The following TASP1 variants were observed in gnomAD, a reference collection of about 807,000 sequenced individuals.
TASP1 encodes taspase 1.
In TASP1, 16 loss-of-function variants were observed where a neutral mutation model predicts 56.6. The observed-to-expected ratio is 0.28, with a 90% CI of 0.19 to 0.43. The LOEUF (loss-of-function observed/expected upper bound fraction) is 0.43, where lower values mean the gene tolerates loss of function less well. Ranked by LOEUF, TASP1 falls within the 20% of genes least tolerant of loss-of-function variation. TASP1 has a pLI of 1.00. For missense variants in TASP1, 393 were observed against 511.6 expected, an observed-to-expected ratio of 0.77 and a Z score of 2.24; for synonymous variants, 179 against 184.2, an observed-to-expected ratio of 0.97 and a Z score of 0.23.
the TASP1 span, among the ~76,000 whole-genome samples, chr20:13,178,851 A>G: frequency 6.6e-6 from 1 of 152,128 alleles, no homozygotes; most frequent in Non-Finnish European, 1.5e-5. Flanking sequence ...AATAGGTTCT[A>G]GTGTTCTATA....
chr20:13,171,774 C>T, the TASP1 span, among the ~76,000 whole-genome samples: 2 of 151,858 alleles, frequency 1.3e-5, no homozygotes, highest in Admixed American at 1.3e-4. Flanking sequence ...ACCAGCAATA[C>T]CAAAGTGGGT....
chr20:13,282,875 G>A, the TASP1 span, among the ~76,000 whole-genome samples: 18 of 152,160 alleles, frequency 1.2e-4, no homozygotes, highest in Admixed American at 2.6e-4. Flanking sequence ...CACACTTTGA[G>A]TAGCAAAACT....
chr20:13,199,519 C>T, the TASP1 span, among the ~76,000 whole-genome samples: 1 of 152,116 alleles, frequency 6.6e-6, no homozygotes, highest in South Asian at 2.1e-4. Context: ...CATACATAAA[C>T]CTGTTTATCT....
At chr20:13,299,095 A>G in the TASP1 span, 1 of 1,613,778 alleles carries the variant, frequency 6.2e-7, no homozygotes, top group Non-Finnish European at 8.5e-7. This position sits in a 1 kb window ranked among gnomAD's most constrained non-coding sequence, Gnocchi z 5.8. Context: ...ATCAAGCGCA[A>G]GGACTTCCGC....
At chr20:13,330,248 C>T in the TASP1 span, among the ~76,000 whole-genome samples, 210 of 152,260 alleles carry the variant, frequency 1.4e-3, no homozygotes, top group African/African-American at 4.9e-3. Context: ...AGCCACCACG[C>T]CTGGCTGTGT....
the TASP1 span, among the ~76,000 whole-genome samples, chr20:13,357,953 G>A: frequency 6.6e-6 from 1 of 152,026 alleles, no homozygotes; most frequent in African/African-American, 2.4e-5. Context: ...ATGGCCTGAA[G>A]TAACTGAAGA....
intron 10 of TASP1, among the ~76,000 whole-genome samples, chr20:13,494,805 G>C (rs1276190476): frequency 1.3e-5 from 2 of 152,152 alleles, no homozygotes; most frequent in Non-Finnish European, 2.9e-5. Flanking sequence ...GAGCACAACA[G>C]GTTCTGATAC....
At chr20:13,340,813 T>A in the TASP1 span, among the ~76,000 whole-genome samples, 1 of 152,334 alleles carries the variant, frequency 6.6e-6, no homozygotes, top group Non-Finnish European at 1.5e-5. Flanking sequence ...ACTTCAGTAA[T>A]GATTTTACTC....
At chr20:13,434,144 A>AT (rs200732398) in intron 12 of TASP1, among the ~76,000 whole-genome samples, 5 of 149,406 alleles carry the variant, frequency 3.3e-5, no homozygotes, top group Admixed American at 6.7e-5. Flanking sequence ...GCAAAGTTCT[A>AT]TTTTTTTTTT....
At chr20:13,543,037 G>C (rs1463859478) in intron 8 of TASP1, among the ~76,000 whole-genome samples, 3 of 152,164 alleles carry the variant, frequency 2.0e-5, no homozygotes, top group Non-Finnish European at 4.4e-5. Context: ...TTGGTTCTGT[G>C]AGAAAATACT....
the TASP1 span, among the ~76,000 whole-genome samples, chr20:13,220,506 C>T: frequency 6.6e-6 from 1 of 152,156 alleles, no homozygotes; most frequent in Non-Finnish European, 1.5e-5. Context: ...CCGGGATGAG[C>T]CCCCCACAGA....
intron 11 of TASP1, among the ~76,000 whole-genome samples, chr20:13,450,766 T>C (rs1600835346): frequency 6.6e-6 from 1 of 152,126 alleles, no homozygotes; most frequent in African/African-American, 2.4e-5. Flanking sequence ...CAAACTCTTG[T>C]GAATGTTATT....
At chr20:13,450,035 G>A (rs2043557719) in intron 11 of TASP1, among the ~76,000 whole-genome samples, 1 of 151,962 alleles carries the variant, frequency 6.6e-6, no homozygotes, top group African/African-American at 2.4e-5. Flanking sequence ...ACAATAAATG[G>A]CAAATCACAA....
chr20:13,536,383 T>G (rs767886769), intron 8 of TASP1, among the ~76,000 whole-genome samples: 1 of 152,332 alleles, frequency 6.6e-6, no homozygotes, highest in Non-Finnish European at 1.5e-5. Context: ...GTATAAAAGA[T>G]TTAAGTTCTA....
At chr20:13,629,143 A>G (rs2048997557) in intron 2 of TASP1, among the ~76,000 whole-genome samples, 1 of 152,142 alleles carries the variant, frequency 6.6e-6, no homozygotes, top group African/African-American at 2.4e-5. Flanking sequence ...AGGCAGGTGG[A>G]TCACCCGAGG....
chr20:13,420,956 C>T (rs1003660284), intron 12 of TASP1, among the ~76,000 whole-genome samples: 9 of 152,136 alleles, frequency 5.9e-5, no homozygotes, highest in African/African-American at 9.6e-5. Context: ...CCAAAAGACA[C>T]GAAACATCAA....
chr20:13,219,715 G>T, the TASP1 span, among the ~76,000 whole-genome samples: 1 of 152,150 alleles, frequency 6.6e-6, no homozygotes, highest in African/African-American at 2.4e-5. Flanking sequence ...TCTTTAAGGA[G>T]GCAGCAAGCC....
intron 8 of TASP1, among the ~76,000 whole-genome samples, chr20:13,545,571 T>C (rs547916679): frequency 6.6e-6 from 1 of 152,230 alleles, no homozygotes; most frequent in Admixed American, 6.5e-5. Flanking sequence ...TCAACTGACA[T>C]TCCCCCACCA....
At chr20:13,395,400 C>G (rs1429153202) in intron 13 of TASP1, among the ~76,000 whole-genome samples, 1 of 152,182 alleles carries the variant, frequency 6.6e-6, no homozygotes, top group Non-Finnish European at 1.5e-5. Context: ...CACCACTTTC[C>G]CTTCTCCTGT....
Sources: gnomAD v4.1 joint callset for allele counts (sites outside exome capture counted in the v4.1 genomes callset) on GRCh38, gnomAD v4.1.1 for gene constraint, Gnocchi (gnomAD v3.1) non-coding constraint, MANE v1.5 for transcripts, NCBI Gene and HGNC (gene_info 2026-07-23, HGNC 2026-07-21) for gene names.